Variants in R3HDM2 observed in about 807,000 individuals in gnomAD.
R3HDM2 encodes R3H domain-containing protein 2.
R3HDM2 carries 38 observed loss-of-function variants against 124.5 expected under a neutral mutation model. That is an observed-to-expected ratio of 0.31 (90% CI 0.24 to 0.40). The LOEUF (loss-of-function observed/expected upper bound fraction) is 0.40, where lower values mean the gene tolerates loss of function less well. Ranked by LOEUF, R3HDM2 falls within the 10% of genes least tolerant of loss-of-function variation. The pLI, the probability that R3HDM2 is intolerant of heterozygous loss-of-function variation, is 1.00. For synonymous variants in R3HDM2, 391 were observed against 448.0 expected (o/e 0.87, Z 1.61); for missense variants, 869 against 1,236.9 (o/e 0.70, Z 4.46).
chr12:57,379,323 G>A (rs982691655), intron 2 of R3HDM2, among the ~76,000 whole-genome samples: 2 of 152,212 alleles, frequency 1.3e-5, no homozygotes, highest in Non-Finnish European at 2.9e-5. Flanking sequence ...GCTCATGCCT[G>A]TAATCCCAGC....
At chr12:57,272,416 A>C (rs1156315262) in intron 14 of R3HDM2, 1 of 1,497,790 alleles carries the variant, frequency 6.7e-7, no homozygotes, top group East Asian at 2.5e-5. Context: ...TACAGGCCAC[A>C]CATGAACAAG....
Position 57,269,331 on chromosome 12 carries a change from T to C in R3HDM2, c.1706A>G (p.Gln569Arg). Residue 569 changes from glutamine to arginine, a missense_variant, in exon 16 of 24, where the codon CAG becomes CGG. This residue lies in a region of R3HDM2 where 602 missense variants were observed against 789.2 expected (regional missense o/e 0.76). Transcript: ENST00000402412. ...QRGQQLPQPS[Q>R]QPGLQPMMPN... is the part of the protein sequence containing the mutation. ...CCAGTGGTTTCTCTTACCAGGCTGC[T>C]GGGATGGCTGAGGCAGCTGCTGACC... 3 of 1,613,930 alleles carry C rather than the reference T, an allele frequency of 1.9e-6. No homozygotes were observed. The highest frequency in any genetic ancestry group is 2.5e-6 in the Non-Finnish European group (3 of 1,179,986).
chr12:57,324,594 C>T (rs1235359126), intron 2 of R3HDM2, among the ~76,000 whole-genome samples: 1 of 152,246 alleles, frequency 6.6e-6, no homozygotes, highest in Non-Finnish European at 1.5e-5. Flanking sequence ...CCTCAAGCCT[C>T]TGCTGCAAAG....
Position 57,296,421 on chromosome 12 carries a change from T to C in R3HDM2, c.691A>G (p.Asn231Asp). 1 of 1,552,320 alleles carries C rather than the reference T, an allele frequency of 6.4e-7. No homozygotes were observed. The highest frequency in any genetic ancestry group is 8.7e-7 in the Non-Finnish European group (1 of 1,147,112). ...GKAVIINKTS[N>D]TRIPEQRFSE... ...GGTTTCCTCCCTTACATTCTTGTGT[T>C]ACTAGTTTTGTTGATGATGACAGCT... Residue 231 changes from asparagine to aspartate, a missense_variant, in exon 9 of 24, where the codon AAC (asparagine) becomes GAC (aspartate). Physicochemically the swap from Asn to Asp is conservative, Grantham distance 23. Transcript: ENST00000402412. The surrounding 1 kb of genome is among the most constrained non-coding windows in gnomAD (Gnocchi z 4.5).
rs568749811 is a variant in R3HDM2, at chr12:57,348,286, G to T, written c.-35-37823C>A. On this transcript the variant is annotated intron_variant, in intron 2 of 23. Transcript: ENST00000402412. ...TGTCTCTATTAAGAAATAAAAAAAG[G>T]CCAGGTGTGGTGGCTCACACCTGTA... 8.5e-5 allele frequency among the ~76,000 whole-genome samples: 13 copies of T among 152,184 alleles called. 1 individual carries two copies. The highest frequency in any genetic ancestry group is 6.8e-3 in the Middle Eastern group (2 of 294).
rs144913412 is a variant in R3HDM2 at position 57,263,213 on chromosome 12, A to G, written c.2131+3518T>C. Among the ~76,000 whole-genome samples, 321 of 152,318 alleles carry G rather than the reference A, an allele frequency of 2.1e-3. 9 individuals carry two copies. In the East Asian group the frequency reaches 0.049, roughly 23 times the overall value. Reference sequence around the variant, plus strand: ...CAATAGATATAAGGACATGCCACAAAGGATACACACAAAAATGCACATACA... The same window carrying G: ...CAATAGATATAAGGACATGCCACAAGGGATACACACAAAAATGCACATACA... On this transcript the variant is annotated intron_variant, in intron 19 of 23. Coordinates refer to ENST00000402412, the MANE Select transcript of R3HDM2 (RefSeq NM_001394031.1).
intron 2 of R3HDM2, among the ~76,000 whole-genome samples, chr12:57,318,984 C>T (rs941945868): frequency 2.0e-5 from 3 of 152,082 alleles, no homozygotes; most frequent in African/African-American, 7.2e-5. Context: ...CTGCCTCTAA[C>T]TAAGGGGAGA....
intron 3 of R3HDM2, among the ~76,000 whole-genome samples, chr12:57,303,894 TC>T (rs1482508115): frequency 3.9e-5 from 6 of 152,196 alleles, no homozygotes; most frequent in African/African-American, 1.4e-4. Flanking sequence ...AACCATGGTA[TC>T]CTGTCTTATT....
Position 57,269,043 on chromosome 12 carries a change from T to C in R3HDM2, c.1754A>G (p.Tyr585Cys). The stretch of plus-strand genomic sequence containing the variant: ...CTGCTGGACCCCAATCATGCCTTGG[T>C]AAGCCGCCTGCTGCTGGTTAGGCAT... ...PMMPNQQQAA[Y>C]QGMIGVQQPQ... is the part of the protein sequence containing the mutation. Residue 585 changes from tyrosine to cysteine, a missense_variant, in exon 17 of 24, where the codon TAC becomes TGC. Around this residue, in one of 2 missense-constraint regions of R3HDM2, gnomAD observed 602 missense variants for 789.2 expected, o/e 0.76. Transcript: ENST00000402412. 1 of 1,614,208 alleles carries C rather than the reference T, an allele frequency of 6.2e-7. No homozygotes were observed. The highest frequency in any genetic ancestry group is 8.5e-7 in the Non-Finnish European group (1 of 1,180,034).
At chr12:57,358,190 C>A (rs1467745587) in intron 2 of R3HDM2, among the ~76,000 whole-genome samples, 1 of 151,402 alleles carries the variant, frequency 6.6e-6, no homozygotes, top group Non-Finnish European at 1.5e-5. Flanking sequence ...TTTTGCCATG[C>A]TGGCCACGCT....
intron 1 of R3HDM2, among the ~76,000 whole-genome samples, chr12:57,420,407 T>C (rs890584237): frequency 2.6e-5 from 4 of 152,168 alleles, no homozygotes; most frequent in African/African-American, 4.8e-5. Context: ...TCAAATCCAG[T>C]GAGTTATTTT....
chr12:57,346,976 G>A (rs2060149672), intron 2 of R3HDM2, among the ~76,000 whole-genome samples: 1 of 152,204 alleles, frequency 6.6e-6, no homozygotes, highest in African/African-American at 2.4e-5. Flanking sequence ...TGGGCATCGT[G>A]GCTCACACCT....
intron 1 of R3HDM2, among the ~76,000 whole-genome samples, chr12:57,426,993 TTAA>T (rs1257401638): frequency 2.0e-5 from 3 of 152,094 alleles, no homozygotes; most frequent in Non-Finnish European, 4.4e-5. Flanking sequence ...GATACGGAAA[TTAA>T]TAAAACAAAA....
chr12:57,294,414 TG>T (rs1357331279), intron 10 of R3HDM2, among the ~76,000 whole-genome samples: 1 of 152,166 alleles, frequency 6.6e-6, no homozygotes, highest in African/African-American at 2.4e-5. Context: ...TTTGTCTTTT[TG>T]TATGTTTCTT....
At chr12:57,348,693 C>CAAAAAAAAAAAAAA (rs1168127324) in intron 2 of R3HDM2, among the ~76,000 whole-genome samples, 19 of 25,146 alleles carry the variant, frequency 7.6e-4, no homozygotes, top group African/African-American at 2.8e-3. Context: ...GACTCCGTCT[C>CAAAAAAAAAAAAAA]AAAAAAAAAA....
At chr12:57,281,744 C>G (rs1458181351) in intron 13 of R3HDM2, among the ~76,000 whole-genome samples, 1 of 151,774 alleles carries the variant, frequency 6.6e-6, no homozygotes, top group Non-Finnish European at 1.5e-5. Flanking sequence ...CCTCTGCCTC[C>G]CAGAGTGCTA....
intron 11 of R3HDM2, 85 bp from the exon 12 acceptor site, chr12:57,289,125 C>T: frequency 7.4e-7 from 1 of 1,347,560 alleles, no homozygotes; most frequent in Non-Finnish European, 1.0e-6. Context: ...GCTATGAATA[C>T]CCAAGGTCCT....
chr12:57,377,437 C>T (rs770201075), intron 2 of R3HDM2, among the ~76,000 whole-genome samples: 1 of 152,072 alleles, frequency 6.6e-6, no homozygotes, highest in African/African-American at 2.4e-5. Flanking sequence ...ACATGGGACC[C>T]ATGAGGAGTC....
intron 2 of R3HDM2, among the ~76,000 whole-genome samples, chr12:57,331,307 C>G (rs943458992): frequency 3.9e-5 from 6 of 152,198 alleles, no homozygotes; most frequent in African/African-American, 1.4e-4. Flanking sequence ...CTAAAATGAT[C>G]TACAAGACCT....
Sources: allele counts gnomAD v4.1 joint callset (sites outside exome capture counted in the v4.1 genomes callset), GRCh38; gene constraint gnomAD v4.1.1; regional missense constraint gnomAD v4.1.1; non-coding constraint Gnocchi (gnomAD v3.1); transcripts MANE v1.5; gene names NCBI Gene and HGNC (gene_info 2026-07-23, HGNC 2026-07-21).